RIMS2: variants seen among roughly 807,000 people sequenced by gnomAD.
RIMS2 encodes regulating synaptic membrane exocytosis 2.
Under a neutral mutation model 174.4 loss-of-function variants are expected in RIMS2, and 59 were observed. That is an observed-to-expected ratio of 0.34 (90% confidence interval 0.27 to 0.42). RIMS2 has a LOEUF of 0.42. Ranked by LOEUF, RIMS2 falls within the 10% of genes least tolerant of loss-of-function variation. The pLI, the probability that RIMS2 is intolerant of heterozygous loss-of-function variation, is 1.00. For synonymous variants in RIMS2, 606 were observed against 572.5 expected, an observed-to-expected ratio of 1.06 and a Z score of -0.84; for missense variants, 1,620 against 1,666.3, an observed-to-expected ratio of 0.97 and a Z score of 0.48.
At chr8:103,616,274 G>C (rs1170080327) in intron 1 of RIMS2, among the ~76,000 whole-genome samples, 1 of 152,024 alleles carries the variant, frequency 6.6e-6, no homozygotes, top group Non-Finnish European at 1.5e-5. Context: ...AAAAACACAT[G>C]ATTGTCTCAA....
At chr8:103,743,907 G>A (rs776848514) in intron 2 of RIMS2, among the ~76,000 whole-genome samples, 1 of 143,094 alleles carries the variant, frequency 7.0e-6, no homozygotes, top group African/African-American at 3.0e-5. Context: ...TTGATTGAGA[G>A]AATCAAATGA....
At chr8:104,123,909 C>A (rs146749664) in intron 19 of RIMS2, among the ~76,000 whole-genome samples, 18 of 152,146 alleles carry the variant, frequency 1.2e-4, no homozygotes, top group African/African-American at 3.9e-4. Flanking sequence ...TGAAAAAATT[C>A]TAAAGTGGAT....
intron 19 of RIMS2, among the ~76,000 whole-genome samples, chr8:104,063,867 C>T (rs1264057435): frequency 2.0e-5 from 3 of 152,162 alleles, no homozygotes; most frequent in Non-Finnish European, 1.5e-5. Flanking sequence ...GGGGCATGCT[C>T]ATGCTCTTTC....
At chr8:103,916,348 C>A in intron 7 of RIMS2, 66 bp from the exon 11 acceptor site, 1 of 1,153,764 alleles carries the variant, frequency 8.7e-7, no homozygotes, top group Non-Finnish European at 1.3e-6. Context: ...GTTTAAGATG[C>A]TCTTAAGTGT....
intron 1 of RIMS2, among the ~76,000 whole-genome samples, chr8:103,586,066 G>A (rs1019159099): frequency 6.6e-6 from 1 of 152,048 alleles, no homozygotes; most frequent in Admixed American, 6.6e-5. Context: ...AAATCTATAT[G>A]CATCAAAAAC....
At chr8:103,844,563 G>C (rs1324767301) in intron 3 of RIMS2, among the ~76,000 whole-genome samples, 1 of 152,114 alleles carries the variant, frequency 6.6e-6, no homozygotes, top group Non-Finnish European at 1.5e-5. Flanking sequence ...TCTATCTCAA[G>C]CTCACTCCTC....
At position 103,581,629 on chromosome 8, in the gene RIMS2, A is replaced by G. The variant is rs569065135; in HGVS notation, c.176+80567A>G. ...AAAAGTGAAAGTCCTGGCCAGAGCAATTAAGCAAGAGAAGGAAATTAAGGA... is the reference window on the plus strand; with the variant it reads ...AAAAGTGAAAGTCCTGGCCAGAGCAGTTAAGCAAGAGAAGGAAATTAAGGA... On this transcript the variant is annotated intron_variant, in intron 1 of 23. Coordinates refer to ENST00000504942, the Ensembl canonical transcript of RIMS2. Among the ~76,000 whole-genome samples, 6 of 152,372 alleles carry G rather than the reference A, an allele frequency of 3.9e-5. No individual in the cohort carries two copies. The South Asian group carries it at 1.2e-3, about 32-fold the overall frequency.
chr8:103,708,739 G>A (rs1362609711), intron 2 of RIMS2, among the ~76,000 whole-genome samples: 1 of 152,096 alleles, frequency 6.6e-6, no homozygotes, highest in East Asian at 1.9e-4. Flanking sequence ...TGCTGCTTAA[G>A]TATTTTTTAA....
In RIMS2 at chr8:103,583,561, T is replaced by A. The variant is rs1460328181; in HGVS notation, c.176+82499T>A. ...ATCAAAGATAACACAGAGAAGAAAT[T>A]CAGAATTCTATCAGATAAATTTAAC... On this transcript the variant is annotated intron_variant, in intron 1 of 23. Coordinates refer to ENST00000504942, the Ensembl canonical transcript of RIMS2. Among the ~76,000 whole-genome samples, 5 of 152,204 alleles carry A rather than the reference T, an allele frequency of 3.3e-5. No individual in the cohort carries two copies. The East Asian group carries it at 7.7e-4, about 24-fold the overall frequency.
chr8:103,613,375 G>T lies in RIMS2; in HGVS notation c.177-83711G>T, dbSNP rs544827322. Among the ~76,000 whole-genome samples the T allele has an allele frequency of 2.0e-5, 3 of 152,248 alleles. No individual in the cohort carries two copies. The South Asian group carries it at 6.2e-4, about 32-fold the overall frequency. On this transcript the variant is annotated intron_variant, in intron 1 of 23. Transcript: ENST00000504942. The stretch of plus-strand genomic sequence containing the variant: ...AAGATTCTGCCAGGCCATCACTGAT[G>T]TTCACTTAACGCCCAAGGGCTCTTC...
At chr8:103,638,785 C>G (rs1409801002) in intron 1 of RIMS2, among the ~76,000 whole-genome samples, 1 of 152,008 alleles carries the variant, frequency 6.6e-6, no homozygotes, top group African/African-American at 2.4e-5. Context: ...ACCAGATGGG[C>G]TCACTGCAAT....
chr8:103,660,075 G>A lies in RIMS2; in HGVS notation c.177-37011G>A, dbSNP rs907558493. Among the ~76,000 whole-genome samples the A allele has an allele frequency of 6.6e-5, 10 of 152,190 alleles. 1 individual carries two copies. Among genetic ancestry groups the A allele is most frequent in the Non-Finnish European group, 2.9e-5 (2 of 68,040 alleles). On this transcript the variant is annotated intron_variant, in intron 1 of 23. Coordinates refer to ENST00000504942, the Ensembl canonical transcript of RIMS2. ...CAATTGCTCCCTGGGCTCCATAGGT[G>A]CCCTGGGCCCTGCCTGCTGCCGTGT...
intron 3 of RIMS2, among the ~76,000 whole-genome samples, chr8:103,786,126 T>C (rs2098441263): frequency 6.6e-6 from 1 of 152,168 alleles, no homozygotes; most frequent in African/African-American, 2.4e-5. Flanking sequence ...ATCCCCTTTA[T>C]CATTTTTTAT....
Position 103,909,291 on chromosome 8 carries a change from T to G in RIMS2, c.1625-843T>G, listed in dbSNP as rs890517449. Among the ~76,000 whole-genome samples, 6 of 151,924 alleles carry G rather than the reference T, an allele frequency of 3.9e-5. 1 individual carries two copies. The highest frequency in any genetic ancestry group is 5.9e-5 in the Non-Finnish European group (4 of 67,930). Reference sequence around the variant, plus strand: ...TAGAATTTTAAAAGATATATGTACATATATAGACTAAAAAATTTAAGATAA... The same window carrying G: ...TAGAATTTTAAAAGATATATGTACAGATATAGACTAAAAAATTTAAGATAA... On this transcript the variant is annotated intron_variant, in intron 4 of 23. Coordinates refer to ENST00000504942, the Ensembl canonical transcript of RIMS2.
chr8:104,119,349 G>A (rs1327867658), intron 19 of RIMS2, among the ~76,000 whole-genome samples: 2 of 151,738 alleles, frequency 1.3e-5, no homozygotes, highest in African/African-American at 4.8e-5. Context: ...AAGTGAGCAA[G>A]ACTCCATCTC....
At chr8:103,641,029 T>G (rs2135522103) in intron 1 of RIMS2, among the ~76,000 whole-genome samples, 1 of 152,278 alleles carries the variant, frequency 6.6e-6, no homozygotes, top group South Asian at 2.1e-4. Flanking sequence ...GACACTTTGT[T>G]GTTATGCACA....
At chr8:104,205,244 T>C (rs1467532976) in intron 19 of RIMS2, among the ~76,000 whole-genome samples, 1 of 152,172 alleles carries the variant, frequency 6.6e-6, no homozygotes, top group Non-Finnish European at 1.5e-5. Context: ...CTCTTCTATT[T>C]TCTCATTTTT....
At chr8:103,593,298 T>C (rs943285939) in intron 1 of RIMS2, among the ~76,000 whole-genome samples, 1 of 151,498 alleles carries the variant, frequency 6.6e-6, no homozygotes, top group Non-Finnish European at 1.5e-5. Flanking sequence ...ATTTAGAATA[T>C]TTGAAGAACG....
intron 1 of RIMS2, among the ~76,000 whole-genome samples, chr8:103,638,078 C>T (rs1009367835): frequency 3.7e-4 from 55 of 148,576 alleles, no homozygotes; most frequent in African/African-American, 1.1e-3. Flanking sequence ...TAATTTTGAT[C>T]GTATAGTTAG....
Sources: gnomAD v4.1 joint callset for allele counts (sites outside exome capture counted in the v4.1 genomes callset) on GRCh38, gnomAD v4.1.1 for gene constraint, MANE v1.5 for transcripts, NCBI Gene and HGNC (gene_info 2026-07-23, HGNC 2026-07-21) for gene names.